ITPRID1: variants seen among roughly 807,000 people sequenced by gnomAD.
ITPRID1 encodes the protein protein ITPRID1.
Under a neutral mutation model 95.4 loss-of-function variants are expected in ITPRID1, and 96 were observed. The ratio of observed to expected loss-of-function variants is 1.01; its 90% CI spans 0.85 to 1.19. ITPRID1 has a LOEUF of 1.19. ITPRID1 is among the 50% of genes most tolerant of loss of function. The probability of loss-of-function intolerance (pLI) is 0.00; values close to 1 mark genes in which losing one functional copy is unlikely to be tolerated. For synonymous variants in ITPRID1, 510 were observed against 453.6 expected, an observed-to-expected ratio of 1.12 and a Z score of -1.58; for missense variants, 1,339 against 1,252.9, an observed-to-expected ratio of 1.07 and a Z score of -1.04.
intron 6 of ITPRID1, among the ~76,000 whole-genome samples, chr7:31,570,104 C>G (rs1428318957): frequency 6.6e-6 from 1 of 152,048 alleles, no homozygotes; most frequent in Non-Finnish European, 1.5e-5. Flanking sequence ...TTCATAAGGA[C>G]CTGTTTATAA....
chr7:31,540,799 C>T (rs572188234), intron 1 of ITPRID1, among the ~76,000 whole-genome samples: 3 of 152,224 alleles, frequency 2.0e-5, no homozygotes, highest in South Asian at 4.2e-4. Context: ...TTTGGGTTCC[C>T]GGCCTGTCAG....
At chr7:31,614,926 C>T (rs949909101) in intron 10 of ITPRID1, among the ~76,000 whole-genome samples, 9 of 152,118 alleles carry the variant, frequency 5.9e-5, no homozygotes, top group African/African-American at 2.2e-4. Flanking sequence ...CGGGAATGAA[C>T]ACCACACCTC....
downstream of ITPRID1, chr7:31,658,470 G>T: frequency 2.3e-6 from 3 of 1,288,420 alleles, no homozygotes; most frequent in Non-Finnish European, 3.0e-6. Context: ...TTGTAAAGAG[G>T]TTAGAGTATC....
chr7:31,645,768 T>C (rs1291566195), intron 12 of ITPRID1, among the ~76,000 whole-genome samples: 1 of 152,114 alleles, frequency 6.6e-6, no homozygotes, highest in African/African-American at 2.4e-5. Flanking sequence ...AGGGGGGTGG[T>C]TGCTACTGGC....
At chr7:31,519,616 C>CTATATATATATATATATA (rs1340353008) in intron 1 of ITPRID1, among the ~76,000 whole-genome samples, 2 of 38,478 alleles carry the variant, frequency 5.2e-5, no homozygotes, top group African/African-American at 2.0e-4. Flanking sequence ...CTCTCTCTCT[C>CTATATATATATATATATA]TCTCTATATA....
downstream of ITPRID1, among the ~76,000 whole-genome samples, chr7:31,657,278 G>A (rs1021991174): frequency 1.3e-5 from 2 of 148,236 alleles, no homozygotes; most frequent in Admixed American, 6.8e-5. Context: ...TTAAATCAAT[G>A]GTTTGTCATG....
At chr7:31,613,366 T>A (rs1384077958) in intron 10 of ITPRID1, among the ~76,000 whole-genome samples, 1 of 152,112 alleles carries the variant, frequency 6.6e-6, no homozygotes, top group African/African-American at 2.4e-5. Context: ...TTTTGACAGG[T>A]TTTGCCAGCG....
chr7:31,545,785 A>G (rs1784078131), intron 1 of ITPRID1, among the ~76,000 whole-genome samples: 1 of 152,032 alleles, frequency 6.6e-6, no homozygotes, highest in Non-Finnish European at 1.5e-5. Context: ...TCCTCCTAGC[A>G]GAGTGTTGAC....
chr7:31,539,175 T>C (rs1042498154), intron 1 of ITPRID1, among the ~76,000 whole-genome samples: 1 of 152,052 alleles, frequency 6.6e-6, no homozygotes, highest in Non-Finnish European at 1.5e-5. Context: ...TGAACATAAG[T>C]TTTTTTGTTT....
At chr7:31,641,662 C>A (rs1008336035) in intron 10 of ITPRID1, among the ~76,000 whole-genome samples, 39 of 152,156 alleles carry the variant, frequency 2.6e-4, no homozygotes, top group Admixed American at 2.5e-3. Context: ...CATGTCCCAG[C>A]CTCTTCTGGT....
intron 1 of ITPRID1, among the ~76,000 whole-genome samples, chr7:31,547,857 G>C (rs1712090236): frequency 6.6e-6 from 1 of 152,072 alleles, no homozygotes; most frequent in Admixed American, 6.6e-5. Context: ...CATTCAAGTG[G>C]AAATGTTAAG....
At chr7:31,529,161 T>C (rs1314527410) in intron 1 of ITPRID1, among the ~76,000 whole-genome samples, 1 of 152,070 alleles carries the variant, frequency 6.6e-6, no homozygotes, top group African/African-American at 2.4e-5. Context: ...GGTTCAGGAG[T>C]ATGTATGTGT....
chr7:31,579,082 C>T (rs1177918334), intron 9 of ITPRID1, among the ~76,000 whole-genome samples: 1 of 152,182 alleles, frequency 6.6e-6, no homozygotes, highest in Non-Finnish European at 1.5e-5. Context: ...ACCTTCATTT[C>T]ACACATGTTC....
At chr7:31,537,095 T>TTGTGTGTG (rs66543091) in intron 1 of ITPRID1, among the ~76,000 whole-genome samples, 1,938 of 145,634 alleles carry the variant, frequency 0.013, 23 homozygotes, top group African/African-American at 0.027. Flanking sequence ...GGTGTGTGTG[T>TTGTGTGTG]TGTGTGTGTG....
chr7:31,601,622 C>T (rs1786397168), intron 10 of ITPRID1, among the ~76,000 whole-genome samples: 1 of 152,192 alleles, frequency 6.6e-6, no homozygotes, highest in Non-Finnish European at 1.5e-5. Flanking sequence ...ACACATGAAT[C>T]TACTTTGCTG....
intron 10 of ITPRID1, among the ~76,000 whole-genome samples, chr7:31,586,060 G>C (rs948564654): frequency 2.1e-5 from 3 of 143,510 alleles, no homozygotes; most frequent in East Asian, 2.1e-4. Flanking sequence ...TCATTGTTCA[G>C]TTCCCACCTA....
At chr7:31,594,419 G>A (rs567604515) in intron 10 of ITPRID1, among the ~76,000 whole-genome samples, 1 of 152,238 alleles carries the variant, frequency 6.6e-6, no homozygotes, top group South Asian at 2.1e-4. Flanking sequence ...CGTTAATGGT[G>A]GTAGCTTAAT....
At position 31,551,870 on chromosome 7, in the gene ITPRID1, G is replaced by C. The variant is rs764324167; in HGVS notation, c.-23-1132G>C. The stretch of plus-strand genomic sequence containing the variant: ...AGTGTTTGGCTACTTGGCCATTTCT[G>C]TAAACTTGAAGGATAAACGAATGCA... On this transcript the variant is annotated intron_variant, in intron 2 of 14. Transcript: ENST00000615280. The C allele has an allele frequency of 1.5e-5, 6 of 406,942 alleles. 2 individuals carry two copies. The highest frequency in any genetic ancestry group is 3.0e-5 in the Non-Finnish European group (6 of 201,722). 25.2% of individuals were successfully genotyped at this position (406,942 alleles called of 1,614,324 possible). A position where few individuals can be genotyped will look rare whatever the true frequency, so the allele number is the denominator to read the frequency against.
chr7:31,650,762 C>T (rs1790874514), intron 12 of ITPRID1, among the ~76,000 whole-genome samples: 1 of 152,114 alleles, frequency 6.6e-6, no homozygotes, highest in Admixed American at 6.5e-5. Context: ...GAGGCAGTAC[C>T]CAGCAACAAA....
Sources: gnomAD v4.1 joint callset for allele counts (sites outside exome capture counted in the v4.1 genomes callset) on GRCh38, gnomAD v4.1.1 for gene constraint, MANE v1.5 for transcripts, NCBI Gene and HGNC (gene_info 2026-07-23, HGNC 2026-07-21) for gene names.